The following GMDS variants were observed in gnomAD, a reference collection of about 807,000 sequenced individuals.
GMDS encodes the protein GDP-mannose 4,6-dehydratase.
GMDS carries 20 observed loss-of-function variants against 49.9 expected under a neutral mutation model. That is an observed-to-expected ratio of 0.40 (90% confidence interval 0.28 to 0.58). GMDS has a LOEUF of 0.58. Among genes scored for constraint, GMDS ranks in the 20% least tolerant of loss-of-function variants. The probability of loss-of-function intolerance (pLI) is 0.42; values close to 1 mark genes in which losing one functional copy is unlikely to be tolerated. For missense variants in GMDS, 362 were observed against 481.4 expected, an observed-to-expected ratio of 0.75 and a Z score of 2.32; for synonymous variants, 177 against 178.6, an observed-to-expected ratio of 0.99 and a Z score of 0.07.
chr6:2,174,183 G>C (rs1778156863), intron 1 of GMDS, among the ~76,000 whole-genome samples: 1 of 152,324 alleles, frequency 6.6e-6, no homozygotes, highest in East Asian at 1.9e-4. Context: ...TGGAGGCTCA[G>C]AGTTCCTGAA....
At chr6:2,127,980 A>G (rs1775546020) in intron 1 of GMDS, among the ~76,000 whole-genome samples, 1 of 152,214 alleles carries the variant, frequency 6.6e-6, no homozygotes, top group African/African-American at 2.4e-5. Context: ...GAACACAATT[A>G]TTCTGGTATA....
chr6:1,841,778 C>T (rs1052918204), intron 7 of GMDS, among the ~76,000 whole-genome samples: 5 of 152,192 alleles, frequency 3.3e-5, no homozygotes, highest in Admixed American at 2.6e-4. Flanking sequence ...TGAGGAAGGA[C>T]GCTGACACAG....
chr6:2,161,996 T>C (rs923575667), intron 1 of GMDS, among the ~76,000 whole-genome samples: 2 of 152,214 alleles, frequency 1.3e-5, no homozygotes, highest in African/African-American at 4.8e-5. Flanking sequence ...GCTGGTTCTC[T>C]ATGCATGTTT....
chr6:1,624,242 G>T lies in GMDS; in HGVS notation c.1057-11C>A. On this transcript the variant is annotated splice_polypyrimidine_tract_variant and intron_variant, in intron 10 of 10. Transcript: ENST00000380815. Reference sequence around the variant, plus strand: ...CTCCCTCACCAGCTCCTGCAACACAGGGGTGGGCGTGAGGGAGGAGCTTCT... The same window carrying T: ...CTCCCTCACCAGCTCCTGCAACACATGGGTGGGCGTGAGGGAGGAGCTTCT... The T allele has an allele frequency of 6.2e-7, 1 of 1,609,742 alleles. No individual in the cohort carries two copies.
chr6:1,789,276 A>G (rs1194831632), intron 7 of GMDS, among the ~76,000 whole-genome samples: 1 of 152,146 alleles, frequency 6.6e-6, no homozygotes, highest in African/African-American at 2.4e-5. Flanking sequence ...GTCATGACTG[A>G]CTGAACCACT....
At chr6:2,121,454 CTTTAAACT>C (rs1333879137) in intron 2 of GMDS, among the ~76,000 whole-genome samples, 1 of 152,140 alleles carries the variant, frequency 6.6e-6, no homozygotes, top group Admixed American at 6.5e-5. Flanking sequence ...AAAACTGTCC[CTTTAAACT>C]TTTAAATTGA....
chr6:2,061,431 G>A (rs1259506215), intron 4 of GMDS, among the ~76,000 whole-genome samples: 3 of 152,008 alleles, frequency 2.0e-5, no homozygotes, highest in Admixed American at 2.0e-4. Context: ...AAAGATCTGA[G>A]GTGGGCCAGG....
At chr6:1,676,288 C>G (rs1238581608) in intron 9 of GMDS, among the ~76,000 whole-genome samples, 2 of 152,148 alleles carry the variant, frequency 1.3e-5, no homozygotes, top group African/African-American at 4.8e-5. Flanking sequence ...AAAGAGGACA[C>G]AAACAAATGG....
At chr6:2,232,157 T>G (rs1781138063) in intron 1 of GMDS, among the ~76,000 whole-genome samples, 1 of 31,522 alleles carries the variant, frequency 3.2e-5, no homozygotes, top group Admixed American at 4.0e-4. Flanking sequence ...GTAAAACGGG[T>G]TTTTTTTTTT....
intron 4 of GMDS, among the ~76,000 whole-genome samples, chr6:1,990,287 C>T (rs558772440): frequency 1.2e-3 from 182 of 152,230 alleles, no homozygotes; most frequent in African/African-American, 4.3e-3. Context: ...CAGAGCGAGA[C>T]TGTCTCAAAA....
intron 1 of GMDS, among the ~76,000 whole-genome samples, chr6:2,179,769 A>C (rs1427672559): frequency 6.6e-6 from 1 of 152,220 alleles, no homozygotes; most frequent in Non-Finnish European, 1.5e-5. Context: ...ATAGAAATGA[A>C]ACTTAAGGTG....
intron 4 of GMDS, among the ~76,000 whole-genome samples, chr6:1,996,083 T>C (rs1766259261): frequency 6.6e-6 from 1 of 151,886 alleles, no homozygotes; most frequent in Admixed American, 6.6e-5. Context: ...TTTCCTTCTT[T>C]TCTTCTTCTC....
intron 1 of GMDS, among the ~76,000 whole-genome samples, chr6:2,211,117 A>G (rs960441511): frequency 8.5e-5 from 13 of 152,100 alleles, no homozygotes; most frequent in African/African-American, 2.9e-4. Context: ...CTTTTTCTTC[A>G]TAAATTACCC....
chr6:1,737,576 C>T (rs1767048543), intron 8 of GMDS, among the ~76,000 whole-genome samples: 1 of 146,178 alleles, frequency 6.8e-6, no homozygotes, highest in African/African-American at 2.5e-5. Flanking sequence ...ACCACACACA[C>T]AAAAATACAC....
rs116513480 is a variant in GMDS, at chr6:1,963,696, G to A, written c.346-2730C>T. On this transcript the variant is annotated intron_variant, in intron 4 of 10. Coordinates refer to ENST00000380815, the MANE Select transcript of GMDS (RefSeq NM_001500.4). ...TCTTTTTGTTATCAGGAAAAGCCAT[G>A]GCCTTATTTTGAGGAAACAGTGCAT... Among the ~76,000 whole-genome samples, 423 of 152,166 alleles carry A rather than the reference G, an allele frequency of 2.8e-3. 1 individual carries two copies. The highest frequency in any genetic ancestry group is 9.3e-3 in the African/African-American group (388 of 41,518).
intron 4 of GMDS, among the ~76,000 whole-genome samples, chr6:1,964,071 G>A (rs1764121635): frequency 6.6e-6 from 1 of 152,156 alleles, no homozygotes; most frequent in Admixed American, 6.5e-5. Context: ...GATGCTCTGA[G>A]GAGAAACACA....
At chr6:1,782,686 G>A (rs1324076766) in intron 7 of GMDS, among the ~76,000 whole-genome samples, 4 of 152,176 alleles carry the variant, frequency 2.6e-5, no homozygotes, top group African/African-American at 9.7e-5. Context: ...GAAGTTGTTA[G>A]GAAGGAATAA....
chr6:2,172,660 C>A (rs765536368), intron 1 of GMDS, among the ~76,000 whole-genome samples: 2 of 152,006 alleles, frequency 1.3e-5, no homozygotes, highest in African/African-American at 4.8e-5. Flanking sequence ...CCACTGCACT[C>A]CAGCCTGGGC....
intron 4 of GMDS, among the ~76,000 whole-genome samples, chr6:2,061,596 G>A (rs1346974034): frequency 6.6e-6 from 1 of 151,730 alleles, no homozygotes. Flanking sequence ...GTGCACGCTT[G>A]TAACCCCAAC....
Sources: gnomAD v4.1 joint callset for allele counts (sites outside exome capture counted in the v4.1 genomes callset) on GRCh38, gnomAD v4.1.1 for gene constraint, MANE v1.5 for transcripts, NCBI Gene and HGNC (gene_info 2026-07-23, HGNC 2026-07-21) for gene names.